The following DYNC2H1 variants were observed in gnomAD, a reference collection of about 807,000 sequenced individuals.
DYNC2H1 encodes dynein cytoplasmic 2 heavy chain 1, also known as cytoplasmic dynein 2 heavy chain 1.
A neutral mutation model predicts 570.0 loss-of-function variants in DYNC2H1; 410 were observed. The ratio of observed to expected loss-of-function variants is 0.72; its 90% confidence interval spans 0.66 to 0.78. DYNC2H1 has a LOEUF of 0.78. Among genes scored for constraint, DYNC2H1 ranks in the 30% least tolerant of loss-of-function variants. The pLI is 0.00. For missense variants in DYNC2H1, 4,865 were observed against 5,046.4 expected (o/e 0.96, Z 1.09); for synonymous variants, 1,688 against 1,677.6 (o/e 1.01, Z -0.15).
Position 103,249,314 on chromosome 11 carries a change from C to A in DYNC2H1, c.10042+3940C>A. Among the ~76,000 whole-genome samples, 2 of 152,016 alleles carry A rather than the reference C, an allele frequency of 1.3e-5. No homozygotes were observed. The highest frequency in any genetic ancestry group is 2.1e-4 in the South Asian group (1 of 4,812). The stretch of plus-strand genomic sequence containing the variant: ...GCAGCAGCATTCTGTTCCTCCCCTC[C>A]CATGACTAGTTCTACTCACCAAAGA... On this transcript the variant is annotated intron_variant, in intron 65 of 88. Coordinates refer to ENST00000375735, the MANE Select transcript of DYNC2H1 (RefSeq NM_001377.3). This position sits in a 1 kb window ranked among gnomAD's most constrained non-coding sequence, Gnocchi z 4.6.
At position 103,244,709 on chromosome 11, in the gene DYNC2H1, T is replaced by C. The variant is rs1864542548; in HGVS notation, c.9919-542T>C. ...TTATAGTTATATACATATATCACTA[T>C]ACTATATATCTTATATACATATAAG... is the stretch of plus-strand genomic sequence containing the variant. On this transcript the variant is annotated intron_variant, in intron 64 of 88. Coordinates refer to ENST00000375735, the MANE Select transcript of DYNC2H1 (RefSeq NM_001377.3). This position sits in a 1 kb window ranked among gnomAD's most constrained non-coding sequence, Gnocchi z 4.3. Among the ~76,000 whole-genome samples, 1 of 148,246 alleles carries C rather than the reference T, an allele frequency of 6.7e-6. No individual in the cohort carries two copies. Among genetic ancestry groups the C allele is most frequent in the Non-Finnish European group, 1.5e-5 (1 of 67,200 alleles).
chr11:103,306,855 G>T (rs1040338511), intron 77 of DYNC2H1, among the ~76,000 whole-genome samples: 1 of 152,004 alleles, frequency 6.6e-6, no homozygotes, highest in Non-Finnish European at 1.5e-5. Flanking sequence ...ATTGTGCCAG[G>T]TTCTGGTTAC....
chr11:103,238,983 G>C (rs61896698), intron 63 of DYNC2H1, among the ~76,000 whole-genome samples: 16,935 of 152,072 alleles, frequency 0.11, 979 homozygotes, highest in Non-Finnish European at 0.12. Flanking sequence ...TCCTGGTTTG[G>C]GTGATAAATT....
At chr11:103,225,865 G>A (rs1186025077) in intron 59 of DYNC2H1, among the ~76,000 whole-genome samples, 2 of 152,004 alleles carry the variant, frequency 1.3e-5, no homozygotes, top group Admixed American at 6.6e-5. Flanking sequence ...TCACAATATC[G>A]ATTCTGCCCA....
chr11:103,179,026 A>T lies in DYNC2H1; in HGVS notation c.6140A>T (p.Asp2047Val), dbSNP rs370260241. The T allele has an allele frequency of 1.2e-6, 2 of 1,602,492 alleles. No individual in the cohort carries two copies. Among genetic ancestry groups the T allele is most frequent in the Non-Finnish European group, 1.7e-6 (2 of 1,172,102 alleles). Residue 2047 changes from aspartate (D) to valine (V), a missense_variant and splice_region_variant, in exon 39 of 89, where the codon GAT becomes GTT. By Grantham distance (152) the Asp-to-Val change is radical. This residue lies in a region of DYNC2H1 where 231 missense variants were observed against 310.3 expected (regional missense o/e 0.74). Transcript: ENST00000375735. ...SARQVVREPQ[D>V]VSSWIICDGD... is the part of the protein sequence containing the mutation. Reference sequence around the variant, plus strand: ...CTCCACTGTTTTGATTTGAAAATAGATGTCAGCTCATGGATAATCTGTGAT... The same window carrying T: ...CTCCACTGTTTTGATTTGAAAATAGTTGTCAGCTCATGGATAATCTGTGAT...
At chr11:103,302,638 G>A (rs1867096695) in intron 75 of DYNC2H1, among the ~76,000 whole-genome samples, 1 of 151,990 alleles carries the variant, frequency 6.6e-6, no homozygotes, top group Non-Finnish European at 1.5e-5. Context: ...CAGATCATGA[G>A]AAATCTGATT....
intron 83 of DYNC2H1, among the ~76,000 whole-genome samples, chr11:103,382,999 CAA>C (rs1368107793): frequency 6.6e-6 from 1 of 152,192 alleles, no homozygotes; most frequent in Admixed American, 6.5e-5. Context: ...CACAGGGAAT[CAA>C]AGAGTCTGAG....
At chr11:103,192,595 A>G (rs903513175) in intron 47 of DYNC2H1, among the ~76,000 whole-genome samples, 1 of 152,124 alleles carries the variant, frequency 6.6e-6, no homozygotes, top group Non-Finnish European at 1.5e-5. Flanking sequence ...TTCATATTTG[A>G]TTGTCATGAC....
Position 103,114,236 on chromosome 11 carries a change from G to A in DYNC2H1, c.500G>A (p.Arg167Gln), listed in dbSNP as rs755933359. The change falls in exon 3 of 89, where the codon CGA becomes CAA. Residue 167 changes from arginine to glutamine, a missense_variant and splice_region_variant. By Grantham distance (43) the Arg-to-Gln change is conservative. Coordinates refer to ENST00000375735, the MANE Select transcript of DYNC2H1 (RefSeq NM_001377.3). ...TKLKFKEDDT[R>Q]GILTPSDEFQ... is the part of the protein sequence containing the mutation. Reference sequence around the variant, plus strand: ...TTGAAATTTAAGGAAGATGACACACGAGGTATATAACCATAGCTTAATAAA... The same window carrying A: ...TTGAAATTTAAGGAAGATGACACACAAGGTATATAACCATAGCTTAATAAA... 3.8e-6 allele frequency: 6 copies of A among 1,585,436 alleles called. No homozygotes were observed. The highest frequency in any genetic ancestry group is 1.8e-4 in the Middle Eastern group (1 of 5,476).
chr11:103,136,078 G>C, intron 17 of DYNC2H1, 130 bp downstream of exon 17: 1 of 710,920 alleles, frequency 1.4e-6, no homozygotes, highest in East Asian at 3.1e-5. Flanking sequence ...GCAGAGAGCT[G>C]GATTCGTAGA....
intron 47 of DYNC2H1, among the ~76,000 whole-genome samples, chr11:103,194,890 G>C (rs1484949873): frequency 6.6e-6 from 1 of 151,650 alleles, no homozygotes; most frequent in Non-Finnish European, 1.5e-5. Context: ...GCTAATTTTT[G>C]TATTTTTAGT....
intron 82 of DYNC2H1, among the ~76,000 whole-genome samples, chr11:103,329,697 C>CT (rs5794224): frequency 0.52 from 78,500 of 151,462 alleles, 20,579 homozygotes; most frequent in Admixed American, 0.61. Context: ...TTCTCCTTTT[C>CT]TTTTTTTTGT....
rs764377161 is a variant in DYNC2H1 at position 103,154,434 on chromosome 11, A to C, written c.3303-17A>C. 1.1e-5 allele frequency: 16 copies of C among 1,504,440 alleles called. No individual in the cohort carries two copies. Among genetic ancestry groups the C allele is most frequent in the Non-Finnish European group, 1.2e-5 (14 of 1,133,656 alleles). The allele number at this position is 1,504,440 out of a possible 1,614,324, so 93.2% of individuals were successfully genotyped here. ...TTCTGTTTTTAAAATTTAATATTTC[A>C]ATATTTGTTTCTATAGTGATGATTG... On this transcript the variant is annotated splice_polypyrimidine_tract_variant and intron_variant, in intron 22 of 88. Transcript: ENST00000375735.
chr11:103,134,745 C>T (rs1261931388), intron 15 of DYNC2H1, among the ~76,000 whole-genome samples: 5 of 151,912 alleles, frequency 3.3e-5, no homozygotes, highest in African/African-American at 1.2e-4. Flanking sequence ...CCGTAAAAAA[C>T]AAAGTTAAGT....
Position 103,187,147 on chromosome 11 carries a change from A to G in DYNC2H1, c.6894-193A>G, listed in dbSNP as rs1199278054. 2.6e-5 allele frequency among the ~76,000 whole-genome samples: 4 copies of G among 151,972 alleles called. No homozygotes were observed. The East Asian group carries it at 7.7e-4, about 29-fold the overall frequency. ...GTCCTCACAATGCCTTAAAACATGA[A>G]TTTATGTTTTTCTAGTCTAAAAGAA... On this transcript the variant is annotated intron_variant, in intron 42 of 88. Transcript: ENST00000375735.
Position 103,286,257 on chromosome 11 carries a change from T to G in DYNC2H1, c.10893T>G (p.Ile3631Met). Residue 3631 changes from isoleucine to methionine, a missense_variant and splice_region_variant, in exon 74 of 89, where the codon ATT becomes ATG. Physicochemically the swap from Ile to Met is conservative, Grantham distance 10 (BLOSUM62 1). Transcript: ENST00000375735. The stretch of plus-strand genomic sequence containing the variant: ...ATATGGCCATTTTTATTTTTTAGAT[T>G]GCTCTCCCCAGTCTTTATCAGACCC... ...ERSWAVATLK[I>M]ALPSLYQTLC... is the part of the protein sequence containing the mutation. 6.2e-7 allele frequency: 1 copy of G among 1,612,934 alleles called. No individual in the cohort carries two copies. The highest frequency in any genetic ancestry group is 2.2e-5 in the East Asian group (1 of 44,856).
intron 88 of DYNC2H1, among the ~76,000 whole-genome samples, chr11:103,475,815 T>A (rs1438802915): frequency 6.6e-6 from 1 of 152,186 alleles, no homozygotes; most frequent in Non-Finnish European, 1.5e-5. Context: ...ATAATCAGCA[T>A]TATTAAGTTC....
At chr11:103,311,782 A>G in intron 78 of DYNC2H1, 96 bp from the exon 79 acceptor site, 6 of 1,289,702 alleles carry the variant, frequency 4.7e-6, no homozygotes, top group Non-Finnish European at 6.3e-6. Flanking sequence ...AAGCAGTGAA[A>G]AATTTTCTTT....
At chr11:103,110,090 G>T (rs1225003705) in intron 1 of DYNC2H1, among the ~76,000 whole-genome samples, 1 of 152,078 alleles carries the variant, frequency 6.6e-6, no homozygotes, top group African/African-American at 2.4e-5. Context: ...GTGTAGTGGC[G>T]CGATCTCTGC....
Sources: gnomAD v4.1 joint callset for allele counts (sites outside exome capture counted in the v4.1 genomes callset) on GRCh38, gnomAD v4.1.1 for gene constraint, gnomAD v4.1.1 regional missense constraint, Gnocchi (gnomAD v3.1) non-coding constraint, MANE v1.5 for transcripts, NCBI Gene and HGNC (gene_info 2026-07-23, HGNC 2026-07-21) for gene names.